Variants in ERVFRD-1 observed in about 807,000 individuals in gnomAD.
ERVFRD-1 encodes the protein syncytin-2.
ERVFRD-1 carries 33 observed loss-of-function variants against 43.8 expected under a neutral mutation model. The observed-to-expected ratio is 0.75, with a 90% confidence interval of 0.57 to 1.01. The LOEUF is 1.01. Ranked by LOEUF, ERVFRD-1 falls within the 50% of genes least tolerant of loss-of-function variation. ERVFRD-1 has a pLI of 0.00. For missense variants in ERVFRD-1, 568 were observed against 658.4 expected (o/e 0.86, Z 1.50); for synonymous variants, 239 against 244.4 (o/e 0.98, Z 0.21).
In ERVFRD-1 at chr6:11,103,628, C is replaced by G; in HGVS notation, c.*66G>C. 1 of 1,476,994 alleles carries G rather than the reference C, an allele frequency of 6.8e-7. No individual in the cohort carries two copies. Among genetic ancestry groups the G allele is most frequent in the Non-Finnish European group, 9.0e-7 (1 of 1,113,022 alleles). 91.5% of individuals were successfully genotyped at this position (1,476,994 alleles called of 1,614,324 possible). A position where few individuals can be genotyped will look rare whatever the true frequency, so the allele number is the denominator to read the frequency against. ...TGGCAAAAACCATATCCAGCCAGGT[C>G]CACGGGAGACGGGGCAGGATTTCGC... On this transcript the variant is annotated 3_prime_UTR_variant, in exon 2 of 2. Coordinates refer to ENST00000472091, the MANE Select transcript of ERVFRD-1 (RefSeq NM_207582.3).
chr6:11,103,642 G>A lies in ERVFRD-1; in HGVS notation c.*52C>T. ...TCCAGCCAGGTCCACGGGAGACGGGGCAGGATTTCGCCTCTGTCGTGTTCC... is the reference window on the plus strand; with the variant it reads ...TCCAGCCAGGTCCACGGGAGACGGGACAGGATTTCGCCTCTGTCGTGTTCC... On this transcript the variant is annotated 3_prime_UTR_variant, in exon 2 of 2. Coordinates refer to ENST00000472091, the MANE Select transcript of ERVFRD-1 (RefSeq NM_207582.3). 4 of 1,488,182 alleles carry A rather than the reference G, an allele frequency of 2.7e-6. No homozygotes were observed. Among genetic ancestry groups the A allele is most frequent in the Non-Finnish European group, 2.7e-6 (3 of 1,117,330 alleles). The allele number at this position is 1,488,182 out of a possible 1,614,324, so 92.2% of individuals were successfully genotyped here.
At chr6:11,110,649 A>G (rs1486989103) in intron 1 of ERVFRD-1, among the ~76,000 whole-genome samples, 2 of 152,228 alleles carry the variant, frequency 1.3e-5, no homozygotes, top group Non-Finnish European at 2.9e-5. Context: ...TTAACGAGGT[A>G]GAACAATCCC....
intron 1 of ERVFRD-1, among the ~76,000 whole-genome samples, chr6:11,109,078 C>A (rs1417864297): frequency 6.6e-6 from 1 of 152,178 alleles, no homozygotes; most frequent in Non-Finnish European, 1.5e-5. Context: ...ACTATGGTGG[C>A]CCCCACAGGG....
rs184367689 is a variant in ERVFRD-1 at position 11,109,182 on chromosome 6, A to G, written c.-321+2495T>C. ...TTCTCCCTTAGGCAGAGTTTGCCCT[A>G]GTATGACTGAGAGGTCCCTCCTGGT... is the stretch of plus-strand genomic sequence containing the variant. On this transcript the variant is annotated intron_variant, in intron 1 of 1. Transcript: ENST00000472091. Among the ~76,000 whole-genome samples, 232 of 152,386 alleles carry G rather than the reference A, an allele frequency of 1.5e-3. 2 individuals are homozygous for G. The highest frequency in any genetic ancestry group is 2.6e-3 in the Non-Finnish European group (179 of 68,042).
Position 11,104,668 on chromosome 6 carries a change from A to G in ERVFRD-1, c.643T>C (p.Cys215Arg), listed in dbSNP as rs1205174320. 3.7e-6 allele frequency: 6 copies of G among 1,614,080 alleles called. No individual in the cohort carries two copies. The highest frequency in any genetic ancestry group is 1.7e-5 in the Admixed American group (1 of 59,996). The part of the protein sequence containing the change: ...FWFRPADYNQ[C>R]LQISNLSSTA... ...GAGCTGAGGTTGGAAATTTGCAGAC[A>G]TTGGTTATAATCAGCAGGCCGGAAC... Residue 215 changes from cysteine to arginine, a missense_variant, in exon 2 of 2, where the codon TGT becomes CGT. Coordinates refer to ENST00000472091, the MANE Select transcript of ERVFRD-1 (RefSeq NM_207582.3).
In ERVFRD-1 at chr6:11,105,169, T is replaced by C. The variant is rs1162256773; in HGVS notation, c.142A>G (p.Ser48Gly). The C allele has an allele frequency of 3.1e-6, 5 of 1,614,228 alleles. No homozygotes were observed. The change falls in exon 2 of 2, where the codon AGC becomes GGC. Residue 48 changes from serine to glycine, a missense_variant. Transcript: ENST00000472091. ...PYSTNCWLCT[S>G]SSTETPGTAY... ...GTCCCTGGTGTTTCAGTGGAAGAGC[T>C]AGTACATAACCAGCAATTGGTGGAG...
chr6:11,104,668 A>T lies in ERVFRD-1; in HGVS notation c.643T>A (p.Cys215Ser). The part of the protein sequence containing the change: ...FWFRPADYNQ[C>S]LQISNLSSTA... ...GAGCTGAGGTTGGAAATTTGCAGACATTGGTTATAATCAGCAGGCCGGAAC... is the reference window on the plus strand; with the variant it reads ...GAGCTGAGGTTGGAAATTTGCAGACTTTGGTTATAATCAGCAGGCCGGAAC... The change falls in exon 2 of 2, where the codon TGT becomes AGT. Residue 215 changes from cysteine (C) to serine (S), a missense_variant. Transcript: ENST00000472091. 6.2e-7 allele frequency: 1 copy of T among 1,614,198 alleles called. No homozygotes were observed. Among genetic ancestry groups the T allele is most frequent in the Non-Finnish European group, 8.5e-7 (1 of 1,180,034 alleles).
At position 11,102,551 on chromosome 6, in the gene ERVFRD-1, A is replaced by G. The variant is rs1384066650; in HGVS notation, c.*1143T>C. On this transcript the variant is annotated 3_prime_UTR_variant, in exon 2 of 2. Coordinates refer to ENST00000472091, the MANE Select transcript of ERVFRD-1 (RefSeq NM_207582.3). ...CATGAACAGGCAGGGCCAAACTGCA[A>G]GCAACTGGGTCTCTACTACAGAGGT... is the stretch of plus-strand genomic sequence containing the variant. 3 of 152,228 alleles carry G rather than the reference A, an allele frequency of 2.0e-5. No homozygotes were observed. Among genetic ancestry groups the G allele is most frequent in the African/African-American group, 7.2e-5 (3 of 41,468 alleles). The allele number at this position is 152,228 out of a possible 1,614,324, so 9.4% of individuals were successfully genotyped here. A position where few individuals can be genotyped will look rare whatever the true frequency, so the allele number is the denominator to read the frequency against.
chr6:11,104,961 A>T lies in ERVFRD-1; in HGVS notation c.350T>A (p.Ile117Asn), dbSNP rs188870088. 6.2e-7 allele frequency: 1 copy of T among 1,614,146 alleles called. No individual in the cohort carries two copies. Among genetic ancestry groups the T allele is most frequent in the South Asian group, 1.1e-5 (1 of 91,076 alleles). Residue 117 changes from isoleucine to asparagine, a missense_variant, in exon 2 of 2, where the codon ATC becomes AAC. Transcript: ENST00000472091. Reference protein sequence around the residue: ...PPIFGPIFTNINLMGIAPICV... With the variant: ...PPIFGPIFTNNNLMGIAPICV... Reference sequence around the variant, plus strand: ...AATAGGGGCTATTCCCATTAGGTTGATATTAGTAAAGATGGGTCCGAAAAT... The same window carrying T: ...AATAGGGGCTATTCCCATTAGGTTGTTATTAGTAAAGATGGGTCCGAAAAT...
Position 11,103,751 on chromosome 6 carries a change from G to A in ERVFRD-1, c.1560C>T (p.Leu520=). Residue 520 remains leucine, a synonymous_variant, in exon 2 of 2, where the codon CTC becomes CTT. Transcript: ENST00000472091. The part of the protein sequence containing the change: ...FVSSRLQAIK[L]QTNLSAGRHP... ...GGCGTCCTGCACTGAGATTCGTCTG[G>A]AGCTTTATGGCCTGAAGGCGAGAGG... The A allele has an allele frequency of 6.4e-7, 1 of 1,551,668 alleles. No homozygotes were observed. Among genetic ancestry groups the A allele is most frequent in the Non-Finnish European group, 8.7e-7 (1 of 1,146,976 alleles).
At chr6:11,111,440 T>G (rs6923081) in intron 1 of ERVFRD-1, among the ~76,000 whole-genome samples, 15 of 152,090 alleles carry the variant, frequency 9.9e-5, no homozygotes, top group Admixed American at 3.3e-4. Context: ...GCCTCCTGTC[T>G]GGGGGGGCCA....
chr6:11,106,330 G>A (rs922843941), intron 1 of ERVFRD-1, among the ~76,000 whole-genome samples: 1 of 152,216 alleles, frequency 6.6e-6, no homozygotes, highest in African/African-American at 2.4e-5. Context: ...CCAGTCCTCC[G>A]CAGGGTATGT....
rs776985820 is a variant in ERVFRD-1 at position 11,103,692 on chromosome 6, C to A, written c.*2G>T. 9.7e-6 allele frequency: 15 copies of A among 1,548,512 alleles called. No individual in the cohort carries two copies. In the Middle Eastern group the frequency reaches 1.5e-3, roughly 155 times the overall value. ...CACTAGCGAGCAGTCTAGGGGTCCT[C>A]CTTAGAAGGGTGACTCTTGAATATT... On this transcript the variant is annotated 3_prime_UTR_variant, in exon 2 of 2. Coordinates refer to ENST00000472091, the MANE Select transcript of ERVFRD-1 (RefSeq NM_207582.3).
chr6:11,105,522 G>A lies in ERVFRD-1; in HGVS notation c.-212C>T. 1.9e-6 allele frequency: 1 copy of A among 534,770 alleles called. No homozygotes were observed. The highest frequency in any genetic ancestry group is 3.3e-5 in the Admixed American group (1 of 30,500). The allele number at this position is 534,770 out of a possible 1,614,324, so 33.1% of individuals were successfully genotyped here. ...TTTTAGATCTTCCAGTGCCTTGCAA[G>A]TGTATTCCGGAGCTGAGGTTGCTGG... On this transcript the variant is annotated 5_prime_UTR_variant, in exon 2 of 2. Transcript: ENST00000472091.
chr6:11,105,115 T>C lies in ERVFRD-1; in HGVS notation c.196A>G (p.Thr66Ala), dbSNP rs761181553. The C allele has an allele frequency of 1.2e-6, 2 of 1,614,210 alleles. No homozygotes were observed. Among genetic ancestry groups the C allele is most frequent in the Non-Finnish European group, 1.7e-6 (2 of 1,180,034 alleles). The change falls in exon 2 of 2, where the codon ACA becomes GCA. Residue 66 changes from threonine (T) to alanine (A), a missense_variant. Coordinates refer to ENST00000472091, the MANE Select transcript of ERVFRD-1 (RefSeq NM_207582.3). ...TAYPASPREW[T>A]SIEAELHISY... is the part of the protein sequence containing the mutation. ...ATATGTAATTCCGCCTCTATGCTTG[T>C]CCATTCTCTGGGCGAGGCTGGATAA...
At position 11,104,172 on chromosome 6, in the gene ERVFRD-1, G is replaced by T; in HGVS notation, c.1139C>A (p.Thr380Asn). The change falls in exon 2 of 2, where the codon ACC (threonine) becomes AAC (asparagine). Residue 380 changes from threonine to asparagine, a missense_variant. By Grantham distance (65) the Thr-to-Asn change is moderately conservative (BLOSUM62 0). Transcript: ENST00000472091. The stretch of plus-strand genomic sequence containing the variant: ...TATTTCCTTTGAGAGCTGGCTATAG[G>T]TGAGGGAAGCTTTTGTGATTCCAGC... ...GIAGITKASL[T>N]YSQLSKEIAN... 1 of 1,551,728 alleles carries T rather than the reference G, an allele frequency of 6.4e-7. No homozygotes were observed. The highest frequency in any genetic ancestry group is 8.7e-7 in the Non-Finnish European group (1 of 1,147,000).
chr6:11,106,301 G>C (rs1217657463), intron 1 of ERVFRD-1, among the ~76,000 whole-genome samples: 8 of 152,212 alleles, frequency 5.3e-5, no homozygotes. Context: ...TATGCAGGGA[G>C]CTGAGTGAAG....
rs1375701829 is a variant in ERVFRD-1 at position 11,102,508 on chromosome 6, A to G, written c.*1186T>C. ...GGCACATTAGCATTTTAGAGAGTTTATTTGAGCAAGGGTGATTCATGAACA... is the reference window on the plus strand; with the variant it reads ...GGCACATTAGCATTTTAGAGAGTTTGTTTGAGCAAGGGTGATTCATGAACA... On this transcript the variant is annotated 3_prime_UTR_variant, in exon 2 of 2. Transcript: ENST00000472091. 1 of 152,226 alleles carries G rather than the reference A, an allele frequency of 6.6e-6. No homozygotes were observed. The allele number at this position is 152,226 out of a possible 1,614,324, so 9.4% of individuals were successfully genotyped here. A position where few individuals can be genotyped will look rare whatever the true frequency, so the allele number is the denominator to read the frequency against.
rs1758055379 is a variant in ERVFRD-1, at chr6:11,104,624, T to C, written c.687A>G (p.Leu229=). ...SNLSSTAEWV[L]LDQTRNSLFW... ...AAAGAGAATTTCGAGTTTGGTCCAATAGAACCCATTCCGCTGTAGAGCTGA... is the reference window on the plus strand; with the variant it reads ...AAAGAGAATTTCGAGTTTGGTCCAACAGAACCCATTCCGCTGTAGAGCTGA... The change falls in exon 2 of 2, where the codon CTA becomes CTG. Residue 229 remains leucine (L), a synonymous_variant. Transcript: ENST00000472091. 6.2e-7 allele frequency: 1 copy of C among 1,614,186 alleles called. No homozygotes were observed. The highest frequency in any genetic ancestry group is 8.5e-7 in the Non-Finnish European group (1 of 1,180,040).
Sources: allele counts gnomAD v4.1 joint callset (sites outside exome capture counted in the v4.1 genomes callset), GRCh38; gene constraint gnomAD v4.1.1; transcripts MANE v1.5; gene names NCBI Gene and HGNC (gene_info 2026-07-23, HGNC 2026-07-21).